The following FNDC1 variants were observed in gnomAD, a reference collection of about 807,000 sequenced individuals.
FNDC1 encodes fibronectin type III domain containing 1.
FNDC1 carries 96 observed loss-of-function variants against 168.0 expected under a neutral mutation model. That is an observed-to-expected ratio of 0.57 (90% CI 0.48 to 0.68). The LOEUF (loss-of-function observed/expected upper bound fraction) is 0.68, where lower values mean the gene tolerates loss of function less well. Ranked by LOEUF, FNDC1 falls within the 30% of genes least tolerant of loss-of-function variation. The pLI is 0.00. For synonymous variants in FNDC1, 1,099 were observed against 1,025.9 expected (o/e 1.07, Z -1.36); for missense variants, 2,587 against 2,482.1 (o/e 1.04, Z -0.90).
At chr6:159,216,375 T>G (rs936064355) in intron 5 of FNDC1, among the ~76,000 whole-genome samples, 5 of 152,244 alleles carry the variant, frequency 3.3e-5, no homozygotes, top group African/African-American at 1.2e-4. Context: ...GGCCAGGGAA[T>G]GCTGATGGGA....
chr6:159,186,382 AC>A (rs1403682696), intron 1 of FNDC1, among the ~76,000 whole-genome samples: 6 of 152,310 alleles, frequency 3.9e-5, no homozygotes, highest in African/African-American at 1.4e-4. Flanking sequence ...GGAGCCATTA[AC>A]CCTTGAGATA....
chr6:159,239,583 C>T lies in FNDC1; in HGVS notation c.4247C>T (p.Thr1416Ile). The stretch of plus-strand genomic sequence containing the variant: ...CTCTTTGGGCAGGGGCGACATGGCA[C>T]ACCTCTGGCCAATGCCCAAGATAAG... ...LPLFGQGRHG[T>I]PLANAQDKPI... Residue 1416 changes from threonine (T) to isoleucine (I), a missense_variant, in exon 14 of 23, where the codon ACA becomes ATA. Transcript: ENST00000297267. 1 of 1,596,818 alleles carries T rather than the reference C, an allele frequency of 6.3e-7. No individual in the cohort carries two copies. Among genetic ancestry groups the T allele is most frequent in the Non-Finnish European group, 8.5e-7 (1 of 1,171,306 alleles).
At chr6:159,194,764 G>A (rs1389604020) in intron 1 of FNDC1, among the ~76,000 whole-genome samples, 1 of 152,138 alleles carries the variant, frequency 6.6e-6, no homozygotes, top group Non-Finnish European at 1.5e-5. Context: ...CAGAATGACT[G>A]CCCCTTAGTT....
chr6:159,180,014 T>G (rs528519101), intron 1 of FNDC1, among the ~76,000 whole-genome samples: 2 of 151,480 alleles, frequency 1.3e-5, no homozygotes, highest in African/African-American at 4.9e-5. Context: ...AGAGAAGAAT[T>G]GTATTTACAC....
intron 14 of FNDC1, among the ~76,000 whole-genome samples, chr6:159,242,363 G>GA (rs1299202070): frequency 6.6e-6 from 1 of 152,154 alleles, no homozygotes; most frequent in Non-Finnish European, 1.5e-5. Flanking sequence ...AGAGCATTGG[G>GA]AAAAATAGCT....
chr6:159,179,304 C>G, intron 1 of FNDC1, among the ~76,000 whole-genome samples: 1 of 152,108 alleles, frequency 6.6e-6, no homozygotes, highest in East Asian at 1.9e-4. Context: ...CTCTACTAAA[C>G]AAAAATTAGC....
intron 17 of FNDC1, 89 bp downstream of exon 17, chr6:159,251,621 G>C: frequency 8.9e-7 from 1 of 1,122,622 alleles, no homozygotes. Flanking sequence ...ATGGGTGCAT[G>C]CATGGATGAG....
intron 17 of FNDC1, 35 bp from the exon 18 acceptor site, chr6:159,256,488 G>C (rs1168867827): frequency 6.8e-7 from 1 of 1,476,422 alleles, no homozygotes; most frequent in East Asian, 2.3e-5. Context: ...TTGGTTCCTT[G>C]GTGTCCATTG....
chr6:159,222,446 C>G (rs762702713), intron 6 of FNDC1, among the ~76,000 whole-genome samples: 1 of 152,160 alleles, frequency 6.6e-6, no homozygotes, highest in South Asian at 2.1e-4. Flanking sequence ...TTCACCTTCC[C>G]CTGCTGGTGG....
In FNDC1 at chr6:159,223,654, G is replaced by T. The variant is rs1256709913; in HGVS notation, c.884+9G>T. Reference sequence around the variant, plus strand: ...AAAGTTGTTGCATCAAGGTACTTTTGCTTATTTATTTGTCTTTATATATGA... The same window carrying T: ...AAAGTTGTTGCATCAAGGTACTTTTTCTTATTTATTTGTCTTTATATATGA... On this transcript the variant is annotated intron_variant, in intron 7 of 22. Transcript: ENST00000297267. 1.3e-6 allele frequency: 2 copies of T among 1,568,096 alleles called. No homozygotes were observed. The highest frequency in any genetic ancestry group is 1.8e-6 in the Non-Finnish European group (2 of 1,140,068).
At chr6:159,265,217 A>T (rs1777564665) in intron 20 of FNDC1, among the ~76,000 whole-genome samples, 1 of 152,228 alleles carries the variant, frequency 6.6e-6, no homozygotes, top group South Asian at 2.1e-4. Flanking sequence ...AGCAATCAAC[A>T]TCTATGAAAA....
intron 17 of FNDC1, among the ~76,000 whole-genome samples, chr6:159,252,671 A>C (rs927700887): frequency 6.6e-6 from 1 of 152,202 alleles, no homozygotes; most frequent in African/African-American, 2.4e-5. Context: ...AAATCAATCA[A>C]TGGAAGGAGG....
At chr6:159,230,182 G>A (rs745819852) in intron 10 of FNDC1, among the ~76,000 whole-genome samples, 179 bp downstream of exon 10, 10 of 152,100 alleles carry the variant, frequency 6.6e-5, no homozygotes, top group Non-Finnish European at 1.0e-4. Flanking sequence ...TCTTCTCAAA[G>A]ATTAAAATGT....
chr6:159,242,104 C>T (rs1219098783), intron 14 of FNDC1, among the ~76,000 whole-genome samples: 3 of 152,098 alleles, frequency 2.0e-5, no homozygotes, highest in Non-Finnish European at 2.9e-5. Flanking sequence ...CAACGATAGA[C>T]TAGATAAAGA....
chr6:159,257,819 T>C (rs1441266396), intron 18 of FNDC1, among the ~76,000 whole-genome samples: 1 of 151,942 alleles, frequency 6.6e-6, no homozygotes, highest in African/African-American at 2.4e-5. Flanking sequence ...TTTTTAAAAC[T>C]TTTTCCCTAA....
chr6:159,236,166 C>A lies in FNDC1; in HGVS notation c.3968-49C>A, dbSNP rs765761439. ...TTTGGTATGAAGCCAACTTCCCGGG[C>A]ATGTTGAATTTACCAGGCTCTGTTA... On this transcript the variant is annotated intron_variant, in intron 11 of 22. Coordinates refer to ENST00000297267, the MANE Select transcript of FNDC1 (RefSeq NM_032532.3). The A allele has an allele frequency of 5.2e-6, 7 of 1,350,460 alleles. No individual in the cohort carries two copies. In the Admixed American group the frequency reaches 7.2e-5, roughly 14 times the overall value. 83.7% of individuals were successfully genotyped at this position (1,350,460 alleles called of 1,614,324 possible).
At chr6:159,235,682 T>C (rs1006328334) in intron 11 of FNDC1, among the ~76,000 whole-genome samples, 10 of 152,150 alleles carry the variant, frequency 6.6e-5, no homozygotes, top group African/African-American at 2.2e-4. Context: ...CTGCATCTTC[T>C]TACTGTCTGA....
At chr6:159,266,007 G>T in intron 20 of FNDC1, 77 bp from the exon 21 acceptor site, 2 of 1,484,910 alleles carry the variant, frequency 1.3e-6, no homozygotes, top group Non-Finnish European at 9.3e-7. Context: ...GGAAGTCAGT[G>T]CAATTTCCTG....
At chr6:159,262,604 A>C (rs1375738340) in intron 19 of FNDC1, among the ~76,000 whole-genome samples, 1 of 152,254 alleles carries the variant, frequency 6.6e-6, no homozygotes, top group African/African-American at 2.4e-5. Flanking sequence ...TATTTAAAAA[A>C]ATTCAAATCC....
Sources: gnomAD v4.1 joint callset for allele counts (sites outside exome capture counted in the v4.1 genomes callset) on GRCh38, gnomAD v4.1.1 for gene constraint, MANE v1.5 for transcripts, NCBI Gene and HGNC (gene_info 2026-07-23, HGNC 2026-07-21) for gene names.